The following HECW2 variants were observed in gnomAD, a reference collection of about 807,000 sequenced individuals.
HECW2 encodes HECT, C2 and WW domain containing E3 ubiquitin protein ligase 2.
HECW2 carries 61 observed loss-of-function variants against 175.2 expected under a neutral mutation model. The ratio of observed to expected loss-of-function variants is 0.35; its 90% CI spans 0.28 to 0.43. HECW2 has a LOEUF of 0.43. Among genes scored for constraint, HECW2 ranks in the 20% least tolerant of loss-of-function variants. The pLI is 1.00. For missense variants in HECW2, 1,524 were observed against 2,000.5 expected, an observed-to-expected ratio of 0.76 and a Z score of 4.54; for synonymous variants, 671 against 731.0, an observed-to-expected ratio of 0.92 and a Z score of 1.32.
intron 2 of HECW2, among the ~76,000 whole-genome samples, chr2:196,391,823 C>T (rs1694519584): frequency 6.6e-6 from 1 of 152,184 alleles, no homozygotes. Flanking sequence ...GGGAAGAATC[C>T]TGTCTTGCCC....
intron 15 of HECW2, among the ~76,000 whole-genome samples, chr2:196,275,612 C>T (rs1246567047): frequency 9.2e-5 from 14 of 152,010 alleles, no homozygotes; most frequent in African/African-American, 2.2e-4. Flanking sequence ...ATTAGCCGGG[C>T]GCGGTGGCAG....
intron 13 of HECW2, among the ~76,000 whole-genome samples, chr2:196,305,366 A>G (rs2105702220): frequency 6.6e-6 from 1 of 152,210 alleles, no homozygotes; most frequent in East Asian, 1.9e-4. Context: ...AAACCAGGAG[A>G]CAATGATGAG....
intron 2 of HECW2, among the ~76,000 whole-genome samples, chr2:196,399,691 T>C (rs1694765762): frequency 6.6e-6 from 1 of 152,238 alleles, no homozygotes; most frequent in Admixed American, 6.5e-5. Flanking sequence ...ACAGGCCTAT[T>C]TGAACACCAA....
At chr2:196,384,260 T>C (rs1159774876) in intron 2 of HECW2, among the ~76,000 whole-genome samples, 1 of 152,140 alleles carries the variant, frequency 6.6e-6, no homozygotes, top group African/African-American at 2.4e-5. Flanking sequence ...GATTAAGGCT[T>C]GATCCCAGCT....
chr2:196,299,550 C>T (rs868735423), intron 13 of HECW2, among the ~76,000 whole-genome samples: 7 of 152,288 alleles, frequency 4.6e-5, no homozygotes, highest in Middle Eastern at 3.4e-3. Context: ...ACTGCTGGGA[C>T]CCACTCCAGA....
chr2:196,442,046 C>T lies in HECW2; in HGVS notation c.-35-8588G>A, dbSNP rs1427504153. On this transcript the variant is annotated intron_variant, in intron 1 of 28. Coordinates refer to ENST00000644978, the MANE Select transcript of HECW2 (RefSeq NM_001348768.2). ...CACAAATAGAAATAATTTTAAGTTCCAAAAAATTGTTAATTTTAAAGACAG... is the reference window on the plus strand; with the variant it reads ...CACAAATAGAAATAATTTTAAGTTCTAAAAAATTGTTAATTTTAAAGACAG... 9.2e-5 allele frequency among the ~76,000 whole-genome samples: 14 copies of T among 151,772 alleles called. 1 individual carries two copies. The highest frequency in any genetic ancestry group is 1.9e-4 in the Non-Finnish European group (13 of 67,960).
intron 28 of HECW2, among the ~76,000 whole-genome samples, chr2:196,209,925 G>A (rs562002216): frequency 6.6e-6 from 1 of 152,116 alleles, no homozygotes; most frequent in Admixed American, 6.5e-5. Context: ...CACCACGCCC[G>A]GCCAACTTTT....
chr2:196,488,082 C>T (rs1256823705), intron 1 of HECW2, among the ~76,000 whole-genome samples: 1 of 152,098 alleles, frequency 6.6e-6, no homozygotes, highest in South Asian at 2.1e-4. Flanking sequence ...TGTGTGTATT[C>T]CAAGATAGGG....
chr2:196,403,739 G>C (rs530466252), intron 2 of HECW2, among the ~76,000 whole-genome samples: 39 of 152,314 alleles, frequency 2.6e-4, no homozygotes, highest in African/African-American at 8.4e-4. Flanking sequence ...GTCAGCCTAA[G>C]GAAGTACACA....
intron 23 of HECW2, among the ~76,000 whole-genome samples, chr2:196,223,007 A>G (rs1248624655): frequency 2.6e-5 from 4 of 152,058 alleles, no homozygotes; most frequent in Non-Finnish European, 4.4e-5. Flanking sequence ...GTACAGTGGT[A>G]GTCATTGATT....
intron 28 of HECW2, among the ~76,000 whole-genome samples, chr2:196,211,302 A>G (rs1687275967): frequency 6.6e-6 from 1 of 152,200 alleles, no homozygotes; most frequent in Non-Finnish European, 1.5e-5. Flanking sequence ...GGACTGTTTG[A>G]GAGCAATTGC....
At chr2:196,356,919 C>T (rs573340151) in intron 2 of HECW2, among the ~76,000 whole-genome samples, 18 of 152,228 alleles carry the variant, frequency 1.2e-4, no homozygotes, top group East Asian at 1.9e-4. Flanking sequence ...ACGTATCCCC[C>T]GTGGATAAGG....
chr2:196,511,167 T>C (rs1035539030), intron 1 of HECW2, among the ~76,000 whole-genome samples: 24 of 152,226 alleles, frequency 1.6e-4, no homozygotes, highest in African/African-American at 5.8e-4. Context: ...GGTTTCACCA[T>C]GTGGGCCAGG....
chr2:196,450,453 T>C (rs1696312927), intron 1 of HECW2, among the ~76,000 whole-genome samples: 2 of 151,578 alleles, frequency 1.3e-5, no homozygotes, highest in Admixed American at 1.3e-4. Flanking sequence ...AATCTACTGA[T>C]CATAAGCCAC....
In HECW2 at chr2:196,199,904, A is replaced by G. The variant is rs1346390755; in HGVS notation, c.*1373T>C. 1 of 152,538 alleles carries G rather than the reference A, an allele frequency of 6.6e-6. No homozygotes were observed. The highest frequency in any genetic ancestry group is 1.5e-5 in the Non-Finnish European group (1 of 67,996). The allele number at this position is 152,538 out of a possible 1,614,324, so 9.4% of individuals were successfully genotyped here. ...TCAGTGAAAATGCAGGCTTAGAAAT[A>G]TAGTTCTGAGTTTCAATTTGTGGTG... On this transcript the variant is annotated 3_prime_UTR_variant, in exon 29 of 29. Transcript: ENST00000644978.
intron 1 of HECW2, among the ~76,000 whole-genome samples, chr2:196,459,070 T>C (rs1191281662): frequency 6.6e-6 from 1 of 152,102 alleles, no homozygotes; most frequent in Non-Finnish European, 1.5e-5. Context: ...GAGATAATGC[T>C]AAAAAAACAA....
chr2:196,306,876 T>C (rs1691286031), intron 12 of HECW2, among the ~76,000 whole-genome samples: 1 of 152,230 alleles, frequency 6.6e-6, no homozygotes, highest in Non-Finnish European at 1.5e-5. Flanking sequence ...GATCTGATTC[T>C]TTTTCCAGTA....
chr2:196,402,997 G>T (rs1349525965), intron 2 of HECW2, among the ~76,000 whole-genome samples: 2 of 152,074 alleles, frequency 1.3e-5, no homozygotes, highest in African/African-American at 4.8e-5. Context: ...CGTAGAGACG[G>T]AGTTTCACTA....
At chr2:196,535,460 G>A (rs773403554) in intron 1 of HECW2, among the ~76,000 whole-genome samples, 13 of 152,090 alleles carry the variant, frequency 8.5e-5, no homozygotes, top group Non-Finnish European at 1.6e-4. Flanking sequence ...ATAATGCCTT[G>A]GATAACATAC....
Sources: gnomAD v4.1 joint callset for allele counts (sites outside exome capture counted in the v4.1 genomes callset) on GRCh38, gnomAD v4.1.1 for gene constraint, MANE v1.5 for transcripts, NCBI Gene and HGNC (gene_info 2026-07-23, HGNC 2026-07-21) for gene names.